ANKH: variants seen among roughly 807,000 people sequenced by gnomAD.
The protein encoded by ANKH is ANKH inorganic pyrophosphate transport regulator.
A neutral mutation model predicts 49.0 loss-of-function variants in ANKH; 15 were observed. The ratio of observed to expected loss-of-function variants is 0.31; its 90% confidence interval spans 0.20 to 0.47. ANKH has a LOEUF of 0.47. Ranked by LOEUF, ANKH falls within the 20% of genes least tolerant of loss-of-function variation. The probability of loss-of-function intolerance (pLI) is 1.00; values close to 1 mark genes in which losing one functional copy is unlikely to be tolerated. For synonymous variants in ANKH, 273 were observed against 260.0 expected (o/e 1.05, Z -0.48); for missense variants, 429 against 652.0 (o/e 0.66, Z 3.72).
At chr5:14,729,020 G>A (rs749000049) in intron 8 of ANKH, among the ~76,000 whole-genome samples, 16 of 152,224 alleles carry the variant, frequency 1.1e-4, no homozygotes, top group East Asian at 5.8e-4. Context: ...TGCAAGGTGC[G>A]TCCAAAACTG....
intron 1 of ANKH, among the ~76,000 whole-genome samples, chr5:14,789,837 A>G (rs1177130707): frequency 6.6e-6 from 1 of 151,924 alleles, no homozygotes; most frequent in Non-Finnish European, 1.5e-5. Context: ...CAGTCTCCCC[A>G]GTAGTTGGGA....
At chr5:14,758,695 A>G in intron 2 of ANKH, 97 bp from the exon 3 acceptor site, 1 of 965,428 alleles carries the variant, frequency 1.0e-6, no homozygotes, top group Admixed American at 1.8e-5. Flanking sequence ...TAAATGTAGT[A>G]TTTGTTCGTC....
chr5:14,814,381 G>C (rs1740971661), intron 1 of ANKH, among the ~76,000 whole-genome samples: 1 of 152,170 alleles, frequency 6.6e-6, no homozygotes. Context: ...CAGGAGGACT[G>C]TTTGAGCCCA....
intron 1 of ANKH, among the ~76,000 whole-genome samples, chr5:14,787,553 A>T (rs1454562348): frequency 6.6e-6 from 1 of 152,174 alleles, no homozygotes; most frequent in South Asian, 2.1e-4. Context: ...TATTAACTTG[A>T]TACATTTCTG....
Position 14,713,741 on chromosome 5 carries a change from C to A in ANKH, c.1142-74G>T, listed in dbSNP as rs1286599899. 4 of 1,606,212 alleles carry A rather than the reference C, an allele frequency of 2.5e-6. No individual in the cohort carries two copies. Among genetic ancestry groups the A allele is most frequent in the Non-Finnish European group, 3.4e-6 (4 of 1,175,866 alleles). On this transcript the variant is annotated intron_variant, in intron 9 of 11. Coordinates refer to ENST00000284268, the MANE Select transcript of ANKH (RefSeq NM_054027.6). The surrounding 1 kb of genome is among the most constrained non-coding windows in gnomAD (Gnocchi z 4.4). ...CCATCCTGCTGCCTCTGGACCAGGGCAGCACATCCGAGAGCCAGGGGCTGC... is the reference window on the plus strand; with the variant it reads ...CCATCCTGCTGCCTCTGGACCAGGGAAGCACATCCGAGAGCCAGGGGCTGC...
intron 1 of ANKH, among the ~76,000 whole-genome samples, chr5:14,771,934 A>C (rs796701574): frequency 2.4e-4 from 26 of 108,764 alleles, no homozygotes; most frequent in African/African-American, 6.1e-4. Context: ...AAAAAAAAAA[A>C]AAAAAAAAAA....
intron 1 of ANKH, among the ~76,000 whole-genome samples, chr5:14,779,119 A>C (rs1739727558): frequency 6.6e-6 from 1 of 152,048 alleles, no homozygotes; most frequent in Non-Finnish European, 1.5e-5. Context: ...AACACATCTG[A>C]CCTAAGCTCT....
intron 1 of ANKH, among the ~76,000 whole-genome samples, chr5:14,803,873 A>G (rs1257848809): frequency 6.6e-6 from 1 of 152,096 alleles, no homozygotes; most frequent in Non-Finnish European, 1.5e-5. Flanking sequence ...CACCTTACAT[A>G]GCAAATTCTA....
At position 14,824,131 on chromosome 5, in the gene ANKH, A is replaced by G. The variant is rs182016787; in HGVS notation, c.96+47221T>C. ...CTCCACAGCCATAGAGGCTGAAACA[A>G]TCTGTTCCCAGCAGGGCCATCCTTC... On this transcript the variant is annotated intron_variant, in intron 1 of 11. Coordinates refer to ENST00000284268, the MANE Select transcript of ANKH (RefSeq NM_054027.6). 1.8e-4 allele frequency among the ~76,000 whole-genome samples: 27 copies of G among 152,240 alleles called. No individual in the cohort carries two copies. In the East Asian group the frequency reaches 5.0e-3, roughly 28 times the overall value.
At chr5:14,773,388 A>T (rs1464906737) in intron 1 of ANKH, among the ~76,000 whole-genome samples, 1 of 139,532 alleles carries the variant, frequency 7.2e-6, no homozygotes, top group Non-Finnish European at 1.5e-5. Flanking sequence ...TGCTAAAAAC[A>T]CACCAGCCTG....
At chr5:14,717,117 C>T (rs1737497668) in intron 8 of ANKH, 1 of 418,534 alleles carries the variant, frequency 2.4e-6, no homozygotes, top group Non-Finnish European at 4.5e-6. Flanking sequence ...GGTGAGCAGA[C>T]CCGTTCAGAA....
chr5:14,756,195 T>C (rs1561040419), intron 3 of ANKH, among the ~76,000 whole-genome samples: 1 of 152,184 alleles, frequency 6.6e-6, no homozygotes. Flanking sequence ...TGTAGACTAG[T>C]GCGCTATTAG....
chr5:14,793,058 A>ATAT (rs145425597), intron 1 of ANKH, among the ~76,000 whole-genome samples: 62 of 85,350 alleles, frequency 7.3e-4, no homozygotes, highest in East Asian at 2.0e-3. Flanking sequence ...AAATATATAT[A>ATAT]AAATATATAT....
Position 14,858,734 on chromosome 5 carries a change from TAAATAAATAAATAAATAAATAAATA to T in ANKH, c.96+12593_96+12617del, listed in dbSNP as rs1236324424. ...CCATCTCAATAAATAAATAAATAAATAAATAAATAAATAAATAAATAAATAAAATAAAATAAAATATATGCACAGA... is the reference window on the plus strand; with the variant it reads ...CCATCTCAATAAATAAATAAATAAATAAATAAAATAAAATATATGCACAGA... On this transcript the variant is annotated intron_variant, in intron 1 of 11. Transcript: ENST00000284268. 5.6e-3 allele frequency among the ~76,000 whole-genome samples: 453 copies of T among 81,470 alleles called. 1 individual carries two copies. The highest frequency in any genetic ancestry group is 0.024 in the African/African-American group (435 of 18,196). 53.4% of individuals were successfully genotyped at this position (81,470 alleles called of 152,430 possible).
chr5:14,803,629 A>G (rs1561063038), intron 1 of ANKH, among the ~76,000 whole-genome samples: 1 of 151,760 alleles, frequency 6.6e-6, no homozygotes, highest in Non-Finnish European at 1.5e-5. Flanking sequence ...ACATTTTTAC[A>G]TTTTACACTT....
Position 14,711,088 on chromosome 5 carries a change from C to CCAAAA in ANKH, c.*104_*108dup, listed in dbSNP as rs540101644. The stretch of plus-strand genomic sequence containing the variant: ...CTTTAAATCAAGGCCTCTTTCATTA[C>CCAAAA]CAAAACAAAACAAAAAAAAGGGAAC... On this transcript the variant is annotated 3_prime_UTR_variant, in exon 12 of 12. Transcript: ENST00000284268. 7 of 1,026,870 alleles carry CCAAAA rather than the reference C, an allele frequency of 6.8e-6. No homozygotes were observed. The highest frequency in any genetic ancestry group is 3.4e-5 in the Admixed American group (2 of 58,880). 63.6% of individuals were successfully genotyped at this position (1,026,870 alleles called of 1,614,324 possible). A position where few individuals can be genotyped will look rare whatever the true frequency, so the allele number is the denominator to read the frequency against.
chr5:14,810,463 A>G (rs1740845911), intron 1 of ANKH, among the ~76,000 whole-genome samples: 1 of 152,156 alleles, frequency 6.6e-6, no homozygotes, highest in Non-Finnish European at 1.5e-5. Context: ...CTGGCCAAAA[A>G]TTGATTGACT....
At chr5:14,715,046 TC>T (rs1737393040) in intron 9 of ANKH, among the ~76,000 whole-genome samples, 1 of 152,226 alleles carries the variant, frequency 6.6e-6, no homozygotes. Flanking sequence ...TCCATTTCTG[TC>T]ACAGCCCAGA....
At chr5:14,717,846 T>C (rs776961928) in intron 8 of ANKH, among the ~76,000 whole-genome samples, 10 of 152,252 alleles carry the variant, frequency 6.6e-5, no homozygotes, top group Non-Finnish European at 1.3e-4. Context: ...CAGAATGCTC[T>C]GATAAACATT....
Sources: gnomAD v4.1 joint callset for allele counts (sites outside exome capture counted in the v4.1 genomes callset) on GRCh38, gnomAD v4.1.1 for gene constraint, Gnocchi (gnomAD v3.1) non-coding constraint, MANE v1.5 for transcripts, NCBI Gene and HGNC (gene_info 2026-07-23, HGNC 2026-07-21) for gene names.